The following GALNTL6 variants were observed in gnomAD, a reference collection of about 807,000 sequenced individuals.
The protein encoded by GALNTL6 is polypeptide N-acetylgalactosaminyltransferase-like 6.
A neutral mutation model predicts 73.7 loss-of-function variants in GALNTL6; 46 were observed. The observed-to-expected ratio is 0.62, with a 90% CI of 0.49 to 0.80. GALNTL6 has a LOEUF of 0.80. Ranked by LOEUF, GALNTL6 falls within the 30% of genes least tolerant of loss-of-function variation. GALNTL6 has a pLI of 0.00. For missense variants in GALNTL6, 604 were observed against 755.0 expected (o/e 0.80, Z 2.34); for synonymous variants, 259 against 263.7 (o/e 0.98, Z 0.17).
intron 11 of GALNTL6, among the ~76,000 whole-genome samples, chr4:173,013,672 A>G (rs779026174): frequency 1.3e-5 from 2 of 151,848 alleles, no homozygotes; most frequent in Admixed American, 6.6e-5. Context: ...ACATAGGCAG[A>G]ACAGAAAGAC....
At chr4:172,643,457 G>A (rs918049931) in intron 5 of GALNTL6, among the ~76,000 whole-genome samples, 6 of 151,842 alleles carry the variant, frequency 4.0e-5, no homozygotes, top group African/African-American at 1.4e-4. Context: ...TCCTTGTTTG[G>A]TGAATTATCA....
At position 172,633,569 on chromosome 4, in the gene GALNTL6, T is replaced by A. The variant is rs181891812; in HGVS notation, c.554-175792T>A. 9.2e-4 allele frequency among the ~76,000 whole-genome samples: 140 copies of A among 152,302 alleles called. 1 individual carries two copies. The highest frequency in any genetic ancestry group is 3.1e-3 in the African/African-American group (128 of 41,560). On this transcript the variant is annotated intron_variant, in intron 5 of 12. Transcript: ENST00000506823. ...GGCTTATAGGTGGGAGGGACTTGCC[T>A]TGTCTCAGATAAGACTTTAAACTGT... is the stretch of plus-strand genomic sequence containing the variant.
At chr4:172,714,482 G>GCAGC (rs1312206152) in intron 5 of GALNTL6, among the ~76,000 whole-genome samples, 1 of 152,040 alleles carries the variant, frequency 6.6e-6, no homozygotes, top group Non-Finnish European at 1.5e-5. Flanking sequence ...TTCAATACAG[G>GCAGC]CAGCCATAAA....
intron 2 of GALNTL6, among the ~76,000 whole-genome samples, chr4:171,886,407 A>G (rs1736609191): frequency 6.6e-6 from 1 of 152,204 alleles, no homozygotes; most frequent in Admixed American, 6.5e-5. Context: ...CTACAGACAA[A>G]AGACTGAGAA....
intron 3 of GALNTL6, among the ~76,000 whole-genome samples, chr4:172,291,462 T>A (rs1739467469): frequency 1.3e-5 from 2 of 152,164 alleles, no homozygotes; most frequent in Non-Finnish European, 2.9e-5. Flanking sequence ...AGGCTAATTC[T>A]TCACATTATA....
At chr4:172,143,202 TTTTC>T (rs930164893) in intron 2 of GALNTL6, among the ~76,000 whole-genome samples, 1 of 152,056 alleles carries the variant, frequency 6.6e-6, no homozygotes, top group East Asian at 1.9e-4. Flanking sequence ...GTATATTTGC[TTTTC>T]TTTCTTTTTC....
intron 2 of GALNTL6, among the ~76,000 whole-genome samples, chr4:172,034,395 CGTGCGTGTGTGT>C (rs1353941444): frequency 0.015 from 2,067 of 139,678 alleles, 56 homozygotes; most frequent in South Asian, 0.044. Flanking sequence ...GGGGAGCGTG[CGTGCGTGTGTGT>C]GTGTGTGTGT....
rs569044779 is a variant in GALNTL6 at position 172,658,569 on chromosome 4, G to A, written c.554-150792G>A. Among the ~76,000 whole-genome samples the A allele has an allele frequency of 6.1e-4, 93 of 152,182 alleles. 1 individual carries two copies. The South Asian group carries it at 0.016, about 26-fold the overall frequency. ...AATTTGGGCACAAAAGGGGGAAACG[G>A]GGACAGGGATGTCAAAGCCAGGAAT... On this transcript the variant is annotated intron_variant, in intron 5 of 12. Coordinates refer to ENST00000506823, the MANE Select transcript of GALNTL6 (RefSeq NM_001034845.3).
rs143337486 is a variant in GALNTL6, at chr4:171,931,480, T to C, written c.138+116762T>C. Among the ~76,000 whole-genome samples, 722 of 152,340 alleles carry C rather than the reference T, an allele frequency of 4.7e-3. 12 individuals carry two copies. The highest frequency in any genetic ancestry group is 0.016 in the African/African-American group (679 of 41,584). The stretch of plus-strand genomic sequence containing the variant: ...TGGATTAATTGAAAATTTGTATTTA[T>C]ATGTGAAATTACAGATTTAACATAT... On this transcript the variant is annotated intron_variant, in intron 2 of 12. Coordinates refer to ENST00000506823, the MANE Select transcript of GALNTL6 (RefSeq NM_001034845.3).
intron 5 of GALNTL6, among the ~76,000 whole-genome samples, chr4:172,469,839 A>G (rs1293047296): frequency 6.6e-6 from 1 of 152,196 alleles, no homozygotes; most frequent in Non-Finnish European, 1.5e-5. Flanking sequence ...CTGATTTTAC[A>G]TTGTACAGCA....
chr4:172,898,594 C>G (rs1746459474), intron 8 of GALNTL6, among the ~76,000 whole-genome samples: 1 of 152,032 alleles, frequency 6.6e-6, no homozygotes, highest in South Asian at 2.1e-4. Flanking sequence ...CTAATTACTT[C>G]TATTATAAAA....
intron 7 of GALNTL6, among the ~76,000 whole-genome samples, chr4:172,859,000 AT>A (rs1241822694): frequency 1.3e-5 from 2 of 151,970 alleles, no homozygotes; most frequent in Non-Finnish European, 2.9e-5. Flanking sequence ...ATTCAAGAAG[AT>A]AATGAGTCAA....
intron 2 of GALNTL6, among the ~76,000 whole-genome samples, chr4:172,156,510 A>G (rs1734267728): frequency 7.3e-6 from 1 of 137,310 alleles, no homozygotes; most frequent in South Asian, 2.2e-4. Flanking sequence ...ACCTAGGCAG[A>G]TATTTGACTT....
intron 2 of GALNTL6, among the ~76,000 whole-genome samples, chr4:172,184,129 T>G (rs1190337525): frequency 2.0e-5 from 3 of 152,174 alleles, no homozygotes; most frequent in African/African-American, 7.2e-5. Context: ...GCAGACATTC[T>G]TGAAGGATGG....
intron 2 of GALNTL6, among the ~76,000 whole-genome samples, chr4:172,049,534 A>G (rs1579088277): frequency 6.6e-6 from 1 of 152,196 alleles, no homozygotes; most frequent in South Asian, 2.1e-4. Flanking sequence ...AACAAGCCAT[A>G]TAATCATAGA....
chr4:172,760,643 G>A (rs2110822191), intron 5 of GALNTL6, among the ~76,000 whole-genome samples: 1 of 152,206 alleles, frequency 6.6e-6, no homozygotes, highest in East Asian at 1.9e-4. Flanking sequence ...CACCTCCACT[G>A]TCAATAAATG....
rs181972880 is a variant in GALNTL6, at chr4:171,899,935, C to T, written c.138+85217C>T. 3.3e-5 allele frequency among the ~76,000 whole-genome samples: 5 copies of T among 152,214 alleles called. No individual in the cohort carries two copies. In the East Asian group the frequency reaches 9.7e-4, roughly 29 times the overall value. On this transcript the variant is annotated intron_variant, in intron 2 of 12. Coordinates refer to ENST00000506823, the MANE Select transcript of GALNTL6 (RefSeq NM_001034845.3). Reference sequence around the variant, plus strand: ...ACCCTACTTCCCTCTATGTGTCTGTCATTTGGTAAGTCAAGACCTCTTTTT... The same window carrying T: ...ACCCTACTTCCCTCTATGTGTCTGTTATTTGGTAAGTCAAGACCTCTTTTT...
At chr4:171,897,044 T>G (rs1373310410) in intron 2 of GALNTL6, among the ~76,000 whole-genome samples, 1 of 151,254 alleles carries the variant, frequency 6.6e-6, no homozygotes, top group Non-Finnish European at 1.5e-5. Flanking sequence ...TAACTGAAAA[T>G]CACAATGAAA....
intron 9 of GALNTL6, among the ~76,000 whole-genome samples, chr4:172,950,001 T>C (rs752530975): frequency 6.6e-6 from 1 of 151,412 alleles, no homozygotes; most frequent in South Asian, 2.1e-4. Flanking sequence ...TAAAATAGAA[T>C]GCATTTCATA....
Sources: gnomAD v4.1 joint callset for allele counts (sites outside exome capture counted in the v4.1 genomes callset) on GRCh38, gnomAD v4.1.1 for gene constraint, MANE v1.5 for transcripts, NCBI Gene and HGNC (gene_info 2026-07-23, HGNC 2026-07-21) for gene names.